PTPRD: variants seen among roughly 807,000 people sequenced by gnomAD.
PTPRD encodes protein tyrosine phosphatase receptor type D, also known as receptor-type tyrosine-protein phosphatase delta.
A neutral mutation model predicts 214.5 loss-of-function variants in PTPRD; 34 were observed. That is an observed-to-expected ratio of 0.16 (90% confidence interval 0.12 to 0.21). The LOEUF (loss-of-function observed/expected upper bound fraction) is 0.21, where lower values mean the gene tolerates loss of function less well. Ranked by LOEUF, PTPRD falls within the 10% of genes least tolerant of loss-of-function variation. PTPRD has a pLI of 1.00. For missense variants in PTPRD, 2,545 were observed against 2,398.7 expected (o/e 1.06, Z -1.27); for synonymous variants, 1,128 against 845.7 (o/e 1.33, Z -5.79).
intron 9 of PTPRD, among the ~76,000 whole-genome samples, chr9:9,318,238 A>C (rs1161119372): frequency 1.3e-5 from 2 of 151,526 alleles, no homozygotes; most frequent in African/African-American, 2.4e-5. Context: ...AAAAAAAAAA[A>C]CACCAAAAAG....
intron 6 of PTPRD, among the ~76,000 whole-genome samples, chr9:9,735,440 T>C (rs1044506398): frequency 6.6e-6 from 1 of 152,122 alleles, no homozygotes; most frequent in African/African-American, 2.4e-5. Context: ...TGAAAGAGAA[T>C]GGAGAACACG....
intron 2 of PTPRD, among the ~76,000 whole-genome samples, chr9:10,488,008 G>T (rs373929919): frequency 7.4e-4 from 41 of 55,216 alleles, no homozygotes; most frequent in African/African-American, 1.1e-3. Flanking sequence ...CTCTCTCTCT[G>T]TTCTGAACCA....
intron 8 of PTPRD, among the ~76,000 whole-genome samples, chr9:9,519,211 G>C (rs1380621595): frequency 6.6e-6 from 1 of 151,758 alleles, no homozygotes; most frequent in East Asian, 1.9e-4. Context: ...TATGTTCATT[G>C]GCTATTTTGA....
intron 2 of PTPRD, among the ~76,000 whole-genome samples, chr9:10,347,591 A>C (rs1044516436): frequency 1.3e-5 from 2 of 151,674 alleles, no homozygotes; most frequent in Non-Finnish European, 2.9e-5. Flanking sequence ...TTACATTTTT[A>C]GTAGAGACGG....
chr9:9,533,409 G>C (rs1386149551), intron 8 of PTPRD, among the ~76,000 whole-genome samples: 1 of 152,050 alleles, frequency 6.6e-6, no homozygotes, highest in Non-Finnish European at 1.5e-5. Context: ...AAAGATCAAA[G>C]AAATGATTTG....
intron 36 of PTPRD, among the ~76,000 whole-genome samples, chr9:8,389,710 A>T (rs891788356): frequency 2.0e-5 from 3 of 152,308 alleles, no homozygotes; most frequent in Admixed American, 2.0e-4. Context: ...GGCAAAAAAA[A>T]TAGTTTCCAA....
rs2098982871 is a variant in PTPRD, at chr9:8,934,520, A to ATATAAAT, written c.-104+84176_-104+84177insATTTATA. Among the ~76,000 whole-genome samples, 10 of 17,060 alleles carry ATATAAAT rather than the reference A, an allele frequency of 5.9e-4. 1 individual carries two copies. The highest frequency in any genetic ancestry group is 2.0e-3 in the South Asian group (1 of 504). 11.2% of individuals were successfully genotyped at this position (17,060 alleles called of 152,430 possible). On this transcript the variant is annotated intron_variant, in intron 11 of 45. Coordinates refer to ENST00000381196, the MANE Select transcript of PTPRD (RefSeq NM_002839.4). Reference sequence around the variant, plus strand: ...ATATATATATAAATATATATATATAAATATATATATATATGGGAAACCATA... The same window carrying ATATAAAT: ...ATATATATATAAATATATATATATAATATAAATATATATATATATATGGGAAACCATA...
chr9:10,482,186 A>G (rs1332567512), intron 2 of PTPRD, among the ~76,000 whole-genome samples: 1 of 152,010 alleles, frequency 6.6e-6, no homozygotes, highest in Non-Finnish European at 1.5e-5. Context: ...CCCGGCTAAC[A>G]CAGTGAAACC....
At chr9:9,100,377 G>C (rs549715851) in intron 10 of PTPRD, among the ~76,000 whole-genome samples, 2 of 152,244 alleles carry the variant, frequency 1.3e-5, no homozygotes, top group Admixed American at 1.3e-4. Flanking sequence ...TTTCTGAGAA[G>C]TGCTTTGAAA....
At chr9:10,077,529 G>A (rs924761199) in intron 3 of PTPRD, among the ~76,000 whole-genome samples, 7 of 152,098 alleles carry the variant, frequency 4.6e-5, no homozygotes. Context: ...AGGTATATGT[G>A]CAGGTTTATT....
chr9:8,590,654 C>A (rs1401393083), intron 14 of PTPRD, among the ~76,000 whole-genome samples: 2 of 152,130 alleles, frequency 1.3e-5, no homozygotes, highest in African/African-American at 4.8e-5. Context: ...ATGAATGACT[C>A]AAAGGAATTC....
At chr9:10,197,917 T>G (rs1350399404) in intron 3 of PTPRD, among the ~76,000 whole-genome samples, 25 of 152,132 alleles carry the variant, frequency 1.6e-4, no homozygotes, top group Admixed American at 1.6e-3. Flanking sequence ...CATCTCAGAA[T>G]GTTAATGAAA....
At chr9:8,852,323 G>C (rs926303974) in intron 11 of PTPRD, among the ~76,000 whole-genome samples, 1 of 152,184 alleles carries the variant, frequency 6.6e-6, no homozygotes, top group African/African-American at 2.4e-5. Context: ...GCAGAGTTAC[G>C]AGAGTTAAAT....
chr9:9,075,661 T>A (rs1187655906), intron 10 of PTPRD, among the ~76,000 whole-genome samples: 5 of 152,162 alleles, frequency 3.3e-5, no homozygotes, highest in African/African-American at 4.8e-5. Flanking sequence ...ACATGCGGTG[T>A]TTGCTTTTCT....
chr9:9,612,287 G>A (rs2094554649), intron 7 of PTPRD, among the ~76,000 whole-genome samples: 1 of 152,074 alleles, frequency 6.6e-6, no homozygotes, highest in Admixed American at 6.6e-5. Context: ...TCTCAGATGC[G>A]AATAGTACAG....
chr9:8,516,598 G>C (rs2097784654), intron 21 of PTPRD, among the ~76,000 whole-genome samples: 1 of 152,032 alleles, frequency 6.6e-6, no homozygotes, highest in African/African-American at 2.4e-5. Flanking sequence ...ACTGGCATCT[G>C]AGAAAATTTA....
At chr9:8,988,769 G>C (rs2099355180) in intron 11 of PTPRD, among the ~76,000 whole-genome samples, 1 of 151,878 alleles carries the variant, frequency 6.6e-6, no homozygotes, top group South Asian at 2.1e-4. Flanking sequence ...GTTTTCATTT[G>C]TCTGTGTTGT....
intron 35 of PTPRD, among the ~76,000 whole-genome samples, chr9:8,434,496 T>C (rs1346645047): frequency 6.6e-6 from 1 of 152,174 alleles, no homozygotes; most frequent in Non-Finnish European, 1.5e-5. Flanking sequence ...TCTCCAAAGG[T>C]ATCCCTGTCA....
At chr9:9,144,790 A>G (rs951212677) in intron 10 of PTPRD, among the ~76,000 whole-genome samples, 7 of 152,022 alleles carry the variant, frequency 4.6e-5, no homozygotes, top group Admixed American at 3.3e-4. Flanking sequence ...AACAAACACA[A>G]AAACCCAAAA....
Sources: allele counts gnomAD v4.1 joint callset (sites outside exome capture counted in the v4.1 genomes callset), GRCh38; gene constraint gnomAD v4.1.1; transcripts MANE v1.5; gene names NCBI Gene and HGNC (gene_info 2026-07-23, HGNC 2026-07-21).